Variants in AKT3 observed in about 807,000 individuals in gnomAD.
The protein encoded by AKT3 is AKT serine/threonine kinase 3.
A neutral mutation model predicts 65.3 loss-of-function variants in AKT3; 15 were observed. The ratio of observed to expected loss-of-function variants is 0.23; its 90% CI spans 0.15 to 0.35. The LOEUF (loss-of-function observed/expected upper bound fraction) is 0.35, where lower values mean the gene tolerates loss of function less well. AKT3 is among the 10% of genes least tolerant of loss of function. AKT3 has a pLI of 1.00. For missense variants in AKT3, 243 were observed against 576.5 expected (o/e 0.42, Z 5.92); for synonymous variants, 206 against 183.8 (o/e 1.12, Z -0.98).
At chr1:243,794,065 G>A (rs1435991962) in intron 2 of AKT3, among the ~76,000 whole-genome samples, 1 of 152,134 alleles carries the variant, frequency 6.6e-6, no homozygotes, top group Admixed American at 6.5e-5. Flanking sequence ...GTCTCATTCT[G>A]TCACCCAGGG....
chr1:243,628,748 T>C (rs1034992606), intron 6 of AKT3, among the ~76,000 whole-genome samples: 1 of 152,204 alleles, frequency 6.6e-6, no homozygotes, highest in Non-Finnish European at 1.5e-5. Flanking sequence ...TGATAGCAGT[T>C]CAAAGGTAAT....
intron 2 of AKT3, among the ~76,000 whole-genome samples, chr1:243,724,654 G>A (rs1438334353): frequency 6.6e-6 from 1 of 151,988 alleles, no homozygotes; most frequent in Non-Finnish European, 1.5e-5. Flanking sequence ...TTCATTTTCT[G>A]GAAAACTACA....
At chr1:243,696,480 A>G (rs1685072926) in intron 2 of AKT3, among the ~76,000 whole-genome samples, 1 of 151,996 alleles carries the variant, frequency 6.6e-6, no homozygotes, top group Admixed American at 6.6e-5. Context: ...CTAAAGGACA[A>G]CTTCTAATTT....
chr1:243,708,035 T>C (rs1257495301), intron 2 of AKT3, among the ~76,000 whole-genome samples: 1 of 152,098 alleles, frequency 6.6e-6, no homozygotes, highest in Admixed American at 6.6e-5. Context: ...TAATTTTGAA[T>C]ACTAGAATAT....
At chr1:243,739,196 A>C (rs1688004270) in intron 2 of AKT3, among the ~76,000 whole-genome samples, 2 of 152,228 alleles carry the variant, frequency 1.3e-5, no homozygotes, top group African/African-American at 4.8e-5. Context: ...AAAGCCATAC[A>C]TAAAAGAGCA....
chr1:243,749,141 T>G (rs77973161), intron 2 of AKT3, among the ~76,000 whole-genome samples: 3,351 of 152,192 alleles, frequency 0.022, 53 homozygotes, highest in Non-Finnish European at 0.034. Flanking sequence ...CCCTGATCAT[T>G]CTATATTTTT....
intron 2 of AKT3, among the ~76,000 whole-genome samples, chr1:243,721,975 C>A: frequency 6.6e-6 from 1 of 152,132 alleles, no homozygotes; most frequent in East Asian, 1.9e-4. Flanking sequence ...ACTTTTATAG[C>A]AGATTTAAAT....
chr1:243,741,544 A>G (rs910455920), intron 2 of AKT3, among the ~76,000 whole-genome samples: 2 of 152,248 alleles, frequency 1.3e-5, no homozygotes, highest in Non-Finnish European at 2.9e-5. Context: ...ACATAGTCCA[A>G]CAATAATCTT....
At chr1:243,694,969 A>T (rs1684966558) in intron 3 of AKT3, among the ~76,000 whole-genome samples, 1 of 152,042 alleles carries the variant, frequency 6.6e-6, no homozygotes, top group Admixed American at 6.6e-5. Context: ...TAATTGATTA[A>T]TCAATATATT....
intron 2 of AKT3, among the ~76,000 whole-genome samples, chr1:243,760,885 A>G (rs535878221): frequency 6.6e-6 from 1 of 152,300 alleles, no homozygotes; most frequent in Admixed American, 6.5e-5. Context: ...GTTCATGGCC[A>G]TGAGTTCAAT....
intron 11 of AKT3, among the ~76,000 whole-genome samples, chr1:243,549,224 C>T (rs528556751): frequency 1.3e-5 from 2 of 152,276 alleles, no homozygotes; most frequent in East Asian, 3.9e-4. Context: ...ACTTCAGACT[C>T]AGTGTACCCA....
intron 2 of AKT3, chr1:243,814,814 G>A (rs1020157663): frequency 1.3e-5 from 2 of 152,160 alleles, no homozygotes; most frequent in African/African-American, 4.8e-5. Context: ...AGGAATTCAA[G>A]ACCAGTGATG....
At chr1:243,536,732 G>A (rs1671964099) in intron 12 of AKT3, among the ~76,000 whole-genome samples, 1 of 152,104 alleles carries the variant, frequency 6.6e-6, no homozygotes, top group South Asian at 2.1e-4. Context: ...GGTTTTGACA[G>A]CTGTTTGTGT....
At chr1:243,563,006 A>G (rs1324603975) in intron 10 of AKT3, among the ~76,000 whole-genome samples, 1 of 152,118 alleles carries the variant, frequency 6.6e-6, no homozygotes, top group Non-Finnish European at 1.5e-5. Context: ...CTTACATTTA[A>G]TCTTGCTTTT....
chr1:243,570,459 C>T (rs1168950122), intron 9 of AKT3, among the ~76,000 whole-genome samples: 1 of 152,106 alleles, frequency 6.6e-6, no homozygotes, highest in Non-Finnish European at 1.5e-5. Flanking sequence ...TCCAATGCAT[C>T]CCCCCTCTAT....
At chr1:243,799,773 A>G (rs1167525540) in intron 2 of AKT3, among the ~76,000 whole-genome samples, 1 of 152,248 alleles carries the variant, frequency 6.6e-6, no homozygotes, top group Non-Finnish European at 1.5e-5. Context: ...TTAAGAAAAA[A>G]TAAAATGTCT....
chr1:243,662,941 G>C (rs1392284620), intron 4 of AKT3, among the ~76,000 whole-genome samples: 3 of 152,300 alleles, frequency 2.0e-5, no homozygotes, highest in African/African-American at 7.2e-5. Flanking sequence ...AGAGTCTTAA[G>C]ATCTGACAGA....
intron 2 of AKT3, among the ~76,000 whole-genome samples, chr1:243,791,211 T>C (rs1691608739): frequency 6.6e-6 from 1 of 152,156 alleles, no homozygotes; most frequent in African/African-American, 2.4e-5. Flanking sequence ...AGATACTATA[T>C]AAATAGTCAC....
At chr1:243,729,029 A>C (rs1337629470) in intron 2 of AKT3, among the ~76,000 whole-genome samples, 1 of 152,206 alleles carries the variant, frequency 6.6e-6, no homozygotes, top group Non-Finnish European at 1.5e-5. Context: ...AATGATATTA[A>C]GAGATGGAGA....
Sources: allele counts gnomAD v4.1 joint callset (sites outside exome capture counted in the v4.1 genomes callset), GRCh38; gene constraint gnomAD v4.1.1; transcripts MANE v1.5; gene names NCBI Gene and HGNC (gene_info 2026-07-23, HGNC 2026-07-21).